PHEX: variants seen among roughly 807,000 people sequenced by gnomAD.
PHEX encodes the protein phosphate regulating endopeptidase X-linked.
A neutral mutation model predicts 68.0 loss-of-function variants in PHEX; 16 were observed. That is an observed-to-expected ratio of 0.24 (90% CI 0.16 to 0.36). The LOEUF (loss-of-function observed/expected upper bound fraction) is 0.36. Ranked by LOEUF, PHEX falls within the 10% of genes least tolerant of loss-of-function variation. The pLI is 1.00. For synonymous variants in PHEX, 208 were observed against 205.1 expected, an observed-to-expected ratio of 1.01 and a Z score of -0.12; for missense variants, 480 against 575.5, an observed-to-expected ratio of 0.83 and a Z score of 1.70.
chrX:22,072,664 G>A (rs1928957998), intron 3 of PHEX, among the ~76,000 whole-genome samples: 3 of 112,215 alleles, frequency 2.7e-5, no homozygotes, highest in African/African-American at 6.5e-5. Context: ...CAAAAAGGTA[G>A]ATTGCTCTAT....
At chrX:22,199,866 T>G (rs906008015) in intron 15 of PHEX, among the ~76,000 whole-genome samples, 1 of 111,786 alleles carries the variant, frequency 8.9e-6, no homozygotes, top group Non-Finnish European at 1.9e-5. Context: ...AAAAAGAAAT[T>G]TGTGCATTGT....
intron 19 of PHEX, 58 bp downstream of exon 19, chrX:22,226,566 G>T: frequency 1.1e-6 from 1 of 879,021 alleles, no homozygotes. Context: ...CACCATATGG[G>T]GGTACCTCAA....
intron 1 of PHEX, among the ~76,000 whole-genome samples, chrX:22,035,527 G>A (rs1267106798): frequency 8.9e-6 from 1 of 112,488 alleles, no homozygotes; most frequent in East Asian, 2.8e-4. Flanking sequence ...AAATTGGAAT[G>A]TTATATACTT....
chrX:22,101,377 C>T (rs1270390486), intron 9 of PHEX, among the ~76,000 whole-genome samples: 1 of 111,810 alleles, frequency 8.9e-6, no homozygotes, highest in African/African-American at 3.3e-5. Flanking sequence ...TGTTTAATCA[C>T]CACTCGTGTA....
At chrX:22,240,644 C>G (rs186235625) in intron 20 of PHEX, among the ~76,000 whole-genome samples, 1,267 of 91,699 alleles carry the variant, frequency 0.014, 21 homozygotes, top group African/African-American at 0.054. Context: ...CAACAAAGAT[C>G]AAAAGAGACA....
chrX:22,062,212 G>C (rs897302057), intron 3 of PHEX, among the ~76,000 whole-genome samples: 2 of 111,517 alleles, frequency 1.8e-5, no homozygotes, highest in Non-Finnish European at 3.8e-5. Flanking sequence ...TTTGAGATGA[G>C]ATTTGGGTGG....
intron 15 of PHEX, among the ~76,000 whole-genome samples, chrX:22,205,860 A>G (rs1934695955): frequency 8.9e-6 from 1 of 112,061 alleles, no homozygotes; most frequent in South Asian, 3.6e-4. Flanking sequence ...AATGGATTAA[A>G]TTAGTTCAAT....
chrX:22,057,588 C>T (rs1928170757), intron 3 of PHEX, among the ~76,000 whole-genome samples: 1 of 108,020 alleles, frequency 9.3e-6, no homozygotes. Flanking sequence ...GAGACTCGAT[C>T]TCAAAGAAAA....
chrX:22,154,115 G>A (rs1467069539), intron 12 of PHEX, among the ~76,000 whole-genome samples: 6 of 110,936 alleles, frequency 5.4e-5, no homozygotes, highest in African/African-American at 2.0e-4. Flanking sequence ...GTCCTACTGT[G>A]TACCCACAAA....
At chrX:22,232,946 T>C (rs939136865) in intron 20 of PHEX, among the ~76,000 whole-genome samples, 1 of 111,298 alleles carries the variant, frequency 9.0e-6, no homozygotes, top group African/African-American at 3.3e-5. Context: ...CAGTTGTTCC[T>C]TTCTGTGTTC....
chrX:22,170,604 G>C (rs1933490006), intron 13 of PHEX, among the ~76,000 whole-genome samples: 1 of 112,082 alleles, frequency 8.9e-6, no homozygotes, highest in Admixed American at 9.5e-5. Flanking sequence ...ATTCACACTT[G>C]TGGTAGTGAA....
At chrX:22,095,788 C>T (rs1930108722) in intron 7 of PHEX, among the ~76,000 whole-genome samples, 1 of 112,411 alleles carries the variant, frequency 8.9e-6, no homozygotes, top group South Asian at 3.7e-4. Flanking sequence ...CCATATCTTA[C>T]ACTACACATC....
intron 20 of PHEX, among the ~76,000 whole-genome samples, chrX:22,243,045 G>A (rs150179891): frequency 0.028 from 3,146 of 111,538 alleles, 51 homozygotes; most frequent in Non-Finnish European, 0.042. Context: ...GCAAGGCTGC[G>A]GTAACCAAAA....
intron 11 of PHEX, among the ~76,000 whole-genome samples, chrX:22,118,281 G>C (rs933240167): frequency 1.1e-5 from 1 of 93,833 alleles, no homozygotes; most frequent in African/African-American, 4.2e-5. Flanking sequence ...GCTGCTGGTC[G>C]TGGACCACAC....
At chrX:22,044,544 A>G (rs1207989687) in intron 2 of PHEX, among the ~76,000 whole-genome samples, 1 of 109,348 alleles carries the variant, frequency 9.1e-6, no homozygotes, top group Non-Finnish European at 1.9e-5. Flanking sequence ...ACCTGTCTCT[A>G]CTAAAAATAC....
At chrX:22,099,507 C>CTTT in intron 9 of PHEX, 3 of 149,611 alleles carry the variant, frequency 2.0e-5, no homozygotes, top group Admixed American at 8.7e-5. Flanking sequence ...TCTTTTGCTG[C>CTTT]TTTTTTTTTT....
At chrX:22,091,555 T>C (rs776559084) in intron 6 of PHEX, among the ~76,000 whole-genome samples, 5 of 111,883 alleles carry the variant, frequency 4.5e-5, no homozygotes, top group African/African-American at 6.5e-5. Flanking sequence ...TTAGCACCAG[T>C]TGACAAGTTC....
chrX:22,194,808 G>T (rs1193721494), intron 15 of PHEX, among the ~76,000 whole-genome samples: 1 of 111,539 alleles, frequency 9.0e-6, no homozygotes, highest in Non-Finnish European at 1.9e-5. Flanking sequence ...TGTCAAGCTG[G>T]GTAGCAACGT....
At chrX:22,087,567 G>A (rs1182240778) in intron 5 of PHEX, among the ~76,000 whole-genome samples, 1 of 111,384 alleles carries the variant, frequency 9.0e-6, no homozygotes, top group African/African-American at 3.3e-5. Context: ...TATATTAAGG[G>A]CAGTTTCATG....
Sources: allele counts gnomAD v4.1 joint callset (sites outside exome capture counted in the v4.1 genomes callset), GRCh38; gene constraint gnomAD v4.1.1; transcripts MANE v1.5; gene names NCBI Gene and HGNC (gene_info 2026-07-23, HGNC 2026-07-21).